The following DGKI variants were observed in gnomAD, a reference collection of about 807,000 sequenced individuals.
The protein encoded by DGKI is diacylglycerol kinase iota.
A neutral mutation model predicts 147.5 loss-of-function variants in DGKI; 55 were observed. The ratio of observed to expected loss-of-function variants is 0.37; its 90% CI spans 0.30 to 0.47. The LOEUF is 0.47. DGKI is among the 20% of genes least tolerant of loss of function. The pLI is 1.00. For synonymous variants in DGKI, 469 were observed against 477.1 expected (o/e 0.98, Z 0.22); for missense variants, 1,007 against 1,323.8 (o/e 0.76, Z 3.71).
chr7:137,690,486 C>T (rs550599983), intron 1 of DGKI, among the ~76,000 whole-genome samples: 4 of 152,290 alleles, frequency 2.6e-5, no homozygotes, highest in African/African-American at 9.6e-5. Flanking sequence ...GCTTTCCTCT[C>T]GAGAATATCA....
At chr7:137,472,313 C>A in intron 23 of DGKI, among the ~76,000 whole-genome samples, 1 of 79,062 alleles carries the variant, frequency 1.3e-5, no homozygotes. Context: ...TGTGTATATA[C>A]ATATAATTAT....
intron 1 of DGKI, chr7:137,722,653 C>A: frequency 6.3e-7 from 1 of 1,577,384 alleles, no homozygotes; most frequent in Non-Finnish European, 8.7e-7. Flanking sequence ...GAAGAAGCTG[C>A]GGAAGCCCAG....
At chr7:137,738,192 C>CA (rs1795078579) in intron 1 of DGKI, among the ~76,000 whole-genome samples, 1 of 152,212 alleles carries the variant, frequency 6.6e-6, no homozygotes, top group African/African-American at 2.4e-5. Context: ...GACCACATGA[C>CA]ACTGATTAAG....
At chr7:137,845,162 C>T (rs563295348) in intron 1 of DGKI, among the ~76,000 whole-genome samples, 3 of 152,308 alleles carry the variant, frequency 2.0e-5, no homozygotes, top group Non-Finnish European at 2.9e-5. Context: ...ATGGGAGGAA[C>T]GCAGAAGCAA....
intron 1 of DGKI, among the ~76,000 whole-genome samples, chr7:137,840,619 G>T (rs1453093244): frequency 6.6e-6 from 1 of 152,218 alleles, no homozygotes; most frequent in Non-Finnish European, 1.5e-5. Context: ...CAGCCTCACA[G>T]CTGCCTAAAT....
At chr7:137,808,417 C>T (rs1018313356) in intron 1 of DGKI, among the ~76,000 whole-genome samples, 3 of 152,188 alleles carry the variant, frequency 2.0e-5, no homozygotes, top group African/African-American at 7.2e-5. Context: ...TTACTTGTCA[C>T]AAGGTCCCCA....
chr7:137,789,020 C>T lies in DGKI; in HGVS notation c.401+57442G>A, dbSNP rs181123971. Among the ~76,000 whole-genome samples the T allele has an allele frequency of 2.1e-4, 32 of 152,234 alleles. No individual in the cohort carries two copies. In the East Asian group the frequency reaches 5.8e-3, roughly 28 times the overall value. On this transcript the variant is annotated intron_variant, in intron 1 of 32. Transcript: ENST00000614521. ...GAATTACAGTGAAGTGAATTAATGG[C>T]TTCAAAGAATTTATAATTTAAAAGG...
At chr7:137,496,843 C>A (rs1815983872) in intron 21 of DGKI, among the ~76,000 whole-genome samples, 2 of 152,034 alleles carry the variant, frequency 1.3e-5, no homozygotes, top group South Asian at 2.1e-4. Flanking sequence ...CCTATAAAAA[C>A]CCTGAATGAT....
chr7:137,609,350 G>A (rs1820287500), intron 9 of DGKI, among the ~76,000 whole-genome samples, 185 bp downstream of exon 9: 1 of 152,064 alleles, frequency 6.6e-6, no homozygotes, highest in Non-Finnish European at 1.5e-5. Flanking sequence ...CAAGCGCAGA[G>A]GTTAGTTTTG....
At chr7:137,433,467 T>C (rs1813159173) in intron 28 of DGKI, among the ~76,000 whole-genome samples, 1 of 152,216 alleles carries the variant, frequency 6.6e-6, no homozygotes. Flanking sequence ...TGATTAAATA[T>C]TGGGATTTCT....
intron 21 of DGKI, chr7:137,493,830 G>C (rs1218244300): frequency 4.3e-6 from 3 of 699,456 alleles, no homozygotes; most frequent in Admixed American, 4.1e-5. Flanking sequence ...TAACCAGTCT[G>C]AAATAGCTGA....
chr7:137,586,793 T>C (rs911516786), intron 13 of DGKI, among the ~76,000 whole-genome samples: 2 of 152,348 alleles, frequency 1.3e-5, no homozygotes, highest in African/African-American at 4.8e-5. Context: ...ATGATCCTTT[T>C]GCACGCAGAC....
chr7:137,759,707 A>G (rs1795798306), intron 1 of DGKI, among the ~76,000 whole-genome samples: 1 of 152,210 alleles, frequency 6.6e-6, no homozygotes, highest in Non-Finnish European at 1.5e-5. Context: ...AGAACAAGGG[A>G]AAAAGATTTC....
chr7:137,700,375 A>G (rs1366589579), intron 1 of DGKI, among the ~76,000 whole-genome samples: 1 of 152,238 alleles, frequency 6.6e-6, no homozygotes, highest in African/African-American at 2.4e-5. Context: ...CCAGAGACAG[A>G]TGAATGGTTG....
At chr7:137,787,369 T>G (rs1200453524) in intron 1 of DGKI, among the ~76,000 whole-genome samples, 2 of 152,138 alleles carry the variant, frequency 1.3e-5, no homozygotes, top group South Asian at 2.1e-4. Flanking sequence ...GGAAAAATGC[T>G]CAGCATCACT....
At chr7:137,733,585 T>A (rs1719005023) in intron 1 of DGKI, among the ~76,000 whole-genome samples, 1 of 152,110 alleles carries the variant, frequency 6.6e-6, no homozygotes. Context: ...GTATCAGCTA[T>A]ACATCAGGTA....
rs1233943734 is a variant in DGKI at position 137,383,294 on chromosome 7, A to G, written c.*7926T>C. 1 of 140,208 alleles carries G rather than the reference A, an allele frequency of 7.1e-6. No individual in the cohort carries two copies. The highest frequency in any genetic ancestry group is 2.4e-5 in the African/African-American group (1 of 40,874). The allele number at this position is 140,208 out of a possible 1,614,324, so 8.7% of individuals were successfully genotyped here. A position where few individuals can be genotyped will look rare whatever the true frequency, so the allele number is the denominator to read the frequency against. ...GGCAAAAATGCTAGCCAATTCCCAA[A>G]TCTCCTAAAAAAGATATGTTTCTAC... On this transcript the variant is annotated 3_prime_UTR_variant, in exon 33 of 33. Transcript: ENST00000614521.
chr7:137,581,588 A>ACATCTAGT (rs2128981225), intron 15 of DGKI, among the ~76,000 whole-genome samples: 1 of 152,210 alleles, frequency 6.6e-6, no homozygotes, highest in South Asian at 2.1e-4. Context: ...CCTGGAACAC[A>ACATCTAGT]CATCTAGTCC....
intron 12 of DGKI, among the ~76,000 whole-genome samples, chr7:137,588,123 T>G (rs986446506): frequency 5.3e-5 from 8 of 152,142 alleles, no homozygotes; most frequent in African/African-American, 1.9e-4. Context: ...TGCTTTAAAG[T>G]TTATAGTTTT....
Sources: gnomAD v4.1 joint callset for allele counts (sites outside exome capture counted in the v4.1 genomes callset) on GRCh38, gnomAD v4.1.1 for gene constraint, MANE v1.5 for transcripts, NCBI Gene and HGNC (gene_info 2026-07-23, HGNC 2026-07-21) for gene names.